Variants in EYA1 observed in about 807,000 individuals in gnomAD.
EYA1 encodes the protein protein phosphatase EYA1.
Under a neutral mutation model 82.0 loss-of-function variants are expected in EYA1, and 16 were observed. The observed-to-expected ratio is 0.20, with a 90% CI of 0.13 to 0.30. The LOEUF (loss-of-function observed/expected upper bound fraction) is 0.30, where lower values mean the gene tolerates loss of function less well. EYA1 is among the 10% of genes least tolerant of loss of function. EYA1 has a pLI of 1.00. For synonymous variants in EYA1, 261 were observed against 264.4 expected, an observed-to-expected ratio of 0.99 and a Z score of 0.12; for missense variants, 633 against 730.7, an observed-to-expected ratio of 0.87 and a Z score of 1.54.
At chr8:71,372,472 GT>G (rs1166804573) in intron 2 of EYA1, among the ~76,000 whole-genome samples, 1 of 152,108 alleles carries the variant, frequency 6.6e-6, no homozygotes, top group Non-Finnish European at 1.5e-5. Context: ...CAGAGGGTGT[GT>G]TCCATTAAAT....
chr8:71,465,861 A>G (rs1808734699), intron 2 of EYA1, among the ~76,000 whole-genome samples: 1 of 152,174 alleles, frequency 6.6e-6, no homozygotes, highest in Non-Finnish European at 1.5e-5. Context: ...AGTTAAAAAT[A>G]ACTATATTAT....
At chr8:71,388,482 T>C (rs1829093493) in intron 2 of EYA1, among the ~76,000 whole-genome samples, 1 of 152,190 alleles carries the variant, frequency 6.6e-6, no homozygotes, top group Admixed American at 6.5e-5. Context: ...TACAAGGTGC[T>C]TATTATCATG....
chr8:71,307,725 T>C (rs1280235903), intron 7 of EYA1, among the ~76,000 whole-genome samples: 1 of 152,192 alleles, frequency 6.6e-6, no homozygotes, highest in Non-Finnish European at 1.5e-5. Flanking sequence ...TGAATACCAC[T>C]GGACCCCAGA....
intron 3 of EYA1, among the ~76,000 whole-genome samples, chr8:71,334,764 T>C (rs1433630034): frequency 1.3e-5 from 2 of 152,248 alleles, no homozygotes; most frequent in Non-Finnish European, 2.9e-5. Flanking sequence ...GTATGCTTCG[T>C]ACCAAAAACA....
intron 2 of EYA1, among the ~76,000 whole-genome samples, chr8:71,425,702 G>A (rs1196811064): frequency 1.3e-5 from 2 of 152,180 alleles, no homozygotes; most frequent in Non-Finnish European, 2.9e-5. Context: ...GTGTGTGTGT[G>A]TGTGTAGGTG....
intron 5 of EYA1, 132 bp downstream of exon 5, chr8:71,322,067 A>C (rs1822621789): frequency 2.7e-6 from 3 of 1,092,502 alleles, no homozygotes; most frequent in Non-Finnish European, 4.1e-6. Context: ...AATTTGTATC[A>C]ATATGTTTAC....
At chr8:71,366,852 A>T (rs867947802), upstream of EYA1, among the ~76,000 whole-genome samples, 4 of 152,278 alleles carry the variant, frequency 2.6e-5, no homozygotes, top group South Asian at 8.3e-4. Context: ...TTGTATCATC[A>T]TTTTGACGCA....
intron 12 of EYA1, among the ~76,000 whole-genome samples, chr8:71,223,013 C>T (rs375850254): frequency 1.6e-4 from 24 of 152,202 alleles, no homozygotes; most frequent in African/African-American, 3.6e-4. Flanking sequence ...CAAGCCCCAA[C>T]GCTTCATGTC....
intron 7 of EYA1, among the ~76,000 whole-genome samples, chr8:71,300,238 C>T (rs1820057022): frequency 1.3e-5 from 2 of 151,994 alleles, no homozygotes; most frequent in Admixed American, 1.3e-4. Context: ...TTTGACACAA[C>T]AAAGATGAAA....
chr8:71,534,956 C>CACATG (rs1306879618), intron 2 of EYA1, among the ~76,000 whole-genome samples: 2 of 147,342 alleles, frequency 1.4e-5, no homozygotes, highest in East Asian at 4.0e-4. Flanking sequence ...GCTATGAAAT[C>CACATG]ACATGTCTGA....
chr8:71,395,611 T>G (rs1273478090), intron 2 of EYA1, among the ~76,000 whole-genome samples: 1 of 152,214 alleles, frequency 6.6e-6, no homozygotes, highest in Non-Finnish European at 1.5e-5. Context: ...TTTGCATATG[T>G]TGAATCAGCC....
intron 2 of EYA1, among the ~76,000 whole-genome samples, chr8:71,395,925 CT>C (rs1280881741): frequency 2.0e-5 from 3 of 152,002 alleles, no homozygotes; most frequent in African/African-American, 4.8e-5. Flanking sequence ...TGATCCTGGA[CT>C]TTTTTTGGTT....
intron 3 of EYA1, among the ~76,000 whole-genome samples, chr8:71,336,087 C>T (rs1824452293): frequency 6.6e-6 from 1 of 152,164 alleles, no homozygotes; most frequent in African/African-American, 2.4e-5. Flanking sequence ...TTCCCATGCA[C>T]ACATTAAAAC....
At chr8:71,449,303 A>C (rs1370500016) in intron 2 of EYA1, 1 of 152,436 alleles carries the variant, frequency 6.6e-6, no homozygotes, top group Non-Finnish European at 1.5e-5. Flanking sequence ...TGGTGTATTC[A>C]GCCAATAACA....
chr8:71,396,350 C>T (rs574489708), intron 2 of EYA1, among the ~76,000 whole-genome samples: 70 of 152,188 alleles, frequency 4.6e-4, no homozygotes, highest in African/African-American at 1.6e-3. Flanking sequence ...AATGTGTTTG[C>T]TCTTGCTTTT....
In EYA1 at chr8:71,362,022, GC is replaced by G; in HGVS notation, c.-431del. On this transcript the variant is annotated 5_prime_UTR_variant, in exon 1 of 18. It removes the in-frame stop codon of an upstream open reading frame in the 5' UTR. Transcript: ENST00000340726. ...CCGTTCTGTTTGGTAACAGCTTTGC[GC>G]CCAGCGCTCCTTCCCCACCAAACAG... 1 of 985,474 alleles carries G rather than the reference GC, an allele frequency of 1.0e-6. No individual in the cohort carries two copies. The allele number at this position is 985,474 out of a possible 1,614,324, so 61.0% of individuals were successfully genotyped here.
intron 11 of EYA1, among the ~76,000 whole-genome samples, chr8:71,259,582 T>C (rs577774889): frequency 2.6e-5 from 4 of 152,360 alleles, no homozygotes; most frequent in African/African-American, 9.6e-5. Flanking sequence ...TGGCTTCAAA[T>C]GACAATGTAG....
chr8:71,322,167 T>C, intron 5 of EYA1, 32 bp downstream of exon 5: 3 of 1,546,550 alleles, frequency 1.9e-6, no homozygotes, highest in Non-Finnish European at 2.7e-6. Context: ...CTCAGAGAAG[T>C]TATTTATTGA....
chr8:71,223,576 T>C (rs1056990461), intron 12 of EYA1, among the ~76,000 whole-genome samples: 4 of 152,160 alleles, frequency 2.6e-5, no homozygotes, highest in East Asian at 1.9e-4. Context: ...GGTGTAGGTA[T>C]AGGGAGTGGG....
Sources: allele counts gnomAD v4.1 joint callset (sites outside exome capture counted in the v4.1 genomes callset), GRCh38; gene constraint gnomAD v4.1.1; transcripts MANE v1.5; gene names NCBI Gene and HGNC (gene_info 2026-07-23, HGNC 2026-07-21).